Variants in RAD21 observed in about 807,000 individuals in gnomAD.
The protein encoded by RAD21 is double-strand-break repair protein rad21 homolog.
RAD21 carries 18 observed loss-of-function variants against 71.5 expected under a neutral mutation model. That is an observed-to-expected ratio of 0.25 (90% CI 0.17 to 0.37). The LOEUF is 0.37. RAD21 is among the 10% of genes least tolerant of loss of function. The pLI, the probability that RAD21 is intolerant of heterozygous loss-of-function variation, is 1.00. For synonymous variants in RAD21, 248 were observed against 254.0 expected (o/e 0.98, Z 0.22); for missense variants, 493 against 769.1 (o/e 0.64, Z 4.25).
In RAD21 at chr8:116,847,644, T is replaced by C; in HGVS notation, c.1752A>G (p.Leu584=). The C allele has an allele frequency of 6.2e-6, 10 of 1,614,010 alleles. No homozygotes were observed. Among genetic ancestry groups the C allele is most frequent in the Non-Finnish European group, 5.9e-6 (7 of 1,179,962 alleles). The change falls in exon 14 of 14, where the codon TTA becomes TTG. Residue 584 remains leucine, a synonymous_variant. Coordinates refer to ENST00000297338, the MANE Select transcript of RAD21 (RefSeq NM_006265.3). ...TGAESISLLE[L]CRNTNRKQAA... ...CTTGTTTTCTGTTCGTATTTCGACA[T>C]AACTCAAGCAAACTGATAGATTCAG...
chr8:116,872,535 T>TAC (rs1242508403), intron 1 of RAD21, among the ~76,000 whole-genome samples: 2 of 127,202 alleles, frequency 1.6e-5, no homozygotes, highest in African/African-American at 6.1e-5. Flanking sequence ...TATATATATA[T>TAC]ACATACACAC....
intron 4 of RAD21, 99 bp from the exon 5 acceptor site, chr8:116,858,557 A>G (rs1812519692): frequency 8.4e-6 from 7 of 836,494 alleles, no homozygotes. Flanking sequence ...ATATATATGT[A>G]TAACCCACCA....
At chr8:116,864,547 A>C (rs760889701) in intron 2 of RAD21, among the ~76,000 whole-genome samples, 1 of 152,166 alleles carries the variant, frequency 6.6e-6, no homozygotes, top group Non-Finnish European at 1.5e-5. Flanking sequence ...TTCAGAATTT[A>C]TCAGACAATG....
chr8:116,863,000 AG>A (rs905262871), intron 3 of RAD21, 129 bp downstream of exon 3: 22 of 1,220,208 alleles, frequency 1.8e-5, no homozygotes, highest in Middle Eastern at 3.0e-4. Flanking sequence ...CTATCTTTGA[AG>A]GGTTCCTCGT....
intron 6 of RAD21, among the ~76,000 whole-genome samples, 191 bp downstream of exon 6, chr8:116,857,076 G>A (rs1483441347): frequency 6.6e-6 from 1 of 152,072 alleles, no homozygotes; most frequent in Non-Finnish European, 1.5e-5. Context: ...TCTGAGATAA[G>A]CATATTTAGG....
At chr8:116,871,902 T>C (rs549078876) in intron 1 of RAD21, among the ~76,000 whole-genome samples, 1 of 152,348 alleles carries the variant, frequency 6.6e-6, no homozygotes, top group African/African-American at 2.4e-5. Context: ...TACAACACTA[T>C]GCTGCCTTGC....
rs1305386574 is a variant in RAD21, at chr8:116,845,935, A to G, written c.*1565T>C. On this transcript the variant is annotated 3_prime_UTR_variant, in exon 14 of 14. Transcript: ENST00000297338. ...CTGAATAATGAATACTCAAAAAAGT[A>G]CAGCTTATAACACAACTTTTATTAG... The G allele has an allele frequency of 4.5e-6, 1 of 220,392 alleles. No individual in the cohort carries two copies. The highest frequency in any genetic ancestry group is 9.1e-6 in the Non-Finnish European group (1 of 109,966). The allele number at this position is 220,392 out of a possible 1,614,324, so 13.7% of individuals were successfully genotyped here.
intron 13 of RAD21, among the ~76,000 whole-genome samples, chr8:116,848,366 T>C (rs1015224519): frequency 2.6e-5 from 4 of 152,200 alleles, no homozygotes; most frequent in Non-Finnish European, 4.4e-5. Flanking sequence ...AAATAACCAA[T>C]TTCTTTAGAC....
rs539813064 is a variant in RAD21 at position 116,855,718 on chromosome 8, T to A, written c.937+448A>T. 3.5e-3 allele frequency among the ~76,000 whole-genome samples: 530 copies of A among 151,870 alleles called. 5 individuals are homozygous for A. The highest frequency in any genetic ancestry group is 0.012 in the African/African-American group (479 of 41,402). On this transcript the variant is annotated intron_variant, in intron 8 of 13. Transcript: ENST00000297338. The stretch of plus-strand genomic sequence containing the variant: ...CCAGCCTCTAGTTTTGTTTTTTTTT[T>A]AAAAAGAATACTTTTAGTTTTTTCC...
At chr8:116,850,497 A>G (rs1296539669) in intron 12 of RAD21, 121 bp downstream of exon 12, 4 of 1,451,332 alleles carry the variant, frequency 2.8e-6, no homozygotes, top group Non-Finnish European at 3.7e-6. Context: ...AATTTTGCTT[A>G]TATTCTAACA....
chr8:116,855,460 G>C (rs757158750), intron 8 of RAD21, among the ~76,000 whole-genome samples: 1 of 152,038 alleles, frequency 6.6e-6, no homozygotes, highest in Non-Finnish European at 1.5e-5. Flanking sequence ...ACAAGAAAAA[G>C]ATTATTCTAG....
In RAD21 at chr8:116,847,733, A is replaced by T. The variant is rs906696519; in HGVS notation, c.1705-42T>A. The T allele has an allele frequency of 7.2e-6, 11 of 1,528,318 alleles. No individual in the cohort carries two copies. The Admixed American group carries it at 1.9e-4, about 26-fold the overall frequency. The allele number at this position is 1,528,318 out of a possible 1,614,324, so 94.7% of individuals were successfully genotyped here. A position where few individuals can be genotyped will look rare whatever the true frequency, so the allele number is the denominator to read the frequency against. ...AAAGGGTAACTTAATCTGTATAATA[A>T]AGTAGTAATTCAGTGAGGATGCTGA... is the stretch of plus-strand genomic sequence containing the variant. On this transcript the variant is annotated intron_variant, in intron 13 of 13. Transcript: ENST00000297338.
At chr8:116,869,555 A>G (rs150277474) in intron 1 of RAD21, among the ~76,000 whole-genome samples, 200 of 152,288 alleles carry the variant, frequency 1.3e-3, no homozygotes, top group African/African-American at 4.6e-3. Context: ...ACTGCATTCT[A>G]GCCTGGGTGA....
At chr8:116,857,203 C>G (rs919451123) in intron 6 of RAD21, 64 bp downstream of exon 6, 132 of 1,435,210 alleles carry the variant, frequency 9.2e-5, no homozygotes, top group Non-Finnish European at 1.1e-4. Context: ...GCAACTGTTT[C>G]CAAAACTTTA....
Position 116,851,969 on chromosome 8 carries a change from A to G in RAD21, c.1449T>C (p.Ile483=). Residue 483 remains isoleucine (I), a synonymous_variant, in exon 11 of 14, where the codon ATT becomes ATC. Coordinates refer to ENST00000297338, the MANE Select transcript of RAD21 (RefSeq NM_006265.3). The part of the protein sequence containing the change: ...PQGVKRKAGQ[I]DPEPVMPPQQ... ...TTACAGGCATCACAGGCTCTGGGTC[A>G]ATTTGTCCAGCTTTTCGCTTAACTC... 1 of 1,610,130 alleles carries G rather than the reference A, an allele frequency of 6.2e-7. No homozygotes were observed.
intron 1 of RAD21, among the ~76,000 whole-genome samples, chr8:116,868,611 G>A (rs1345032775): frequency 6.6e-6 from 1 of 151,918 alleles, no homozygotes; most frequent in African/African-American, 2.4e-5. Context: ...TTATAGGCAA[G>A]ATTATCAAAT....
Position 116,856,983 on chromosome 8 carries a change from T to C in RAD21, c.689-212A>G, listed in dbSNP as rs190273493. On this transcript the variant is annotated intron_variant, in intron 6 of 13. Transcript: ENST00000297338. ...TTCTTCATTTGTATTTTCTAGTTTA[T>C]TTATCTATTTTAAAAAATATTTTAC... is the stretch of plus-strand genomic sequence containing the variant. Among the ~76,000 whole-genome samples, 4 of 104,080 alleles carry C rather than the reference T, an allele frequency of 3.8e-5. No individual in the cohort carries two copies. The East Asian group carries it at 1.4e-3, about 36-fold the overall frequency. The allele number at this position is 104,080 out of a possible 152,430, so 68.3% of individuals were successfully genotyped here. A position where few individuals can be genotyped will look rare whatever the true frequency, so the allele number is the denominator to read the frequency against.
intron 9 of RAD21, among the ~76,000 whole-genome samples, chr8:116,853,770 T>A (rs977612090): frequency 2.0e-5 from 3 of 152,134 alleles, no homozygotes; most frequent in African/African-American, 7.2e-5. Flanking sequence ...ACCAGACACC[T>A]GTGAGTCTTA....
At chr8:116,848,775 A>G in intron 13 of RAD21, 171 bp downstream of exon 13, 1 of 447,360 alleles carries the variant, frequency 2.2e-6, no homozygotes, top group Non-Finnish European at 3.8e-6. Context: ...AAAAAAAAAG[A>G]AAAGAAAACT....
Sources: gnomAD v4.1 joint callset for allele counts (sites outside exome capture counted in the v4.1 genomes callset) on GRCh38, gnomAD v4.1.1 for gene constraint, MANE v1.5 for transcripts, NCBI Gene and HGNC (gene_info 2026-07-23, HGNC 2026-07-21) for gene names.